The following KCTD9 variants were observed in gnomAD, a reference collection of about 807,000 sequenced individuals.
KCTD9 encodes the protein potassium channel tetramerization domain containing 9, also known as BTB/POZ domain-containing protein KCTD9.
A neutral mutation model predicts 53.3 loss-of-function variants in KCTD9; 17 were observed. That is an observed-to-expected ratio of 0.32 (90% CI 0.22 to 0.48). KCTD9 has a LOEUF of 0.48. KCTD9 is among the 20% of genes least tolerant of loss of function. KCTD9 has a pLI of 0.99. For synonymous variants in KCTD9, 128 were observed against 162.7 expected, an observed-to-expected ratio of 0.79 and a Z score of 1.62; for missense variants, 179 against 465.5, an observed-to-expected ratio of 0.38 and a Z score of 5.66.
intron 1 of KCTD9, among the ~76,000 whole-genome samples, chr8:25,449,210 G>C (rs1802273018): frequency 6.6e-6 from 1 of 152,216 alleles, no homozygotes; most frequent in Admixed American, 6.5e-5. Flanking sequence ...GCTGTGAAAA[G>C]AGGGTAAGAA....
chr8:25,432,416 A>G, intron 11 of KCTD9, 88 bp downstream of exon 11: 2 of 1,176,880 alleles, frequency 1.7e-6, no homozygotes, highest in Non-Finnish European at 2.5e-6. Context: ...TTACCAGCCA[A>G]CTACTTTGTT....
chr8:25,451,671 A>G (rs867181546), intron 1 of KCTD9: 16 of 152,244 alleles, frequency 1.1e-4, no homozygotes, highest in South Asian at 4.1e-4. Context: ...AAAGCTGCCT[A>G]TGAGTTGGAG....
intron 6 of KCTD9, 70 bp downstream of exon 6, chr8:25,439,207 CAA>C (rs1352596597): frequency 1.8e-5 from 22 of 1,227,532 alleles, no homozygotes; most frequent in Non-Finnish European, 2.5e-5. Flanking sequence ...CTGAGTGAAA[CAA>C]AGTTAAAATC....
At chr8:25,445,492 A>G (rs541732118) in intron 2 of KCTD9, among the ~76,000 whole-genome samples, 1 of 152,290 alleles carries the variant, frequency 6.6e-6, no homozygotes, top group South Asian at 2.1e-4. Flanking sequence ...AGGCAAAGCA[A>G]TGATAACATA....
chr8:25,457,455 G>T, intron 1 of KCTD9: 1 of 786,328 alleles, frequency 1.3e-6, no homozygotes, highest in Non-Finnish European at 1.5e-6. Context: ...GCTTGCTCCA[G>T]CGCTGGAAGA....
rs1039705760 is a variant in KCTD9 at position 25,440,208 on chromosome 8, G to A, written c.311+369C>T. ...CAAGTAGCTGGGACTACAGGCGCCC[G>A]CCACTACGCCCGGCTAATTTTTTGT... On this transcript the variant is annotated intron_variant, in intron 4 of 11. Transcript: ENST00000221200. Among the ~76,000 whole-genome samples, 11 of 151,276 alleles carry A rather than the reference G, an allele frequency of 7.3e-5. No individual in the cohort carries two copies. The East Asian group carries it at 7.8e-4, about 11-fold the overall frequency.
At chr8:25,442,202 C>T (rs749284056) in intron 3 of KCTD9, among the ~76,000 whole-genome samples, 2 of 151,942 alleles carry the variant, frequency 1.3e-5, no homozygotes, top group Non-Finnish European at 2.9e-5. Flanking sequence ...TGAAAGGATC[C>T]ATCACATACT....
At chr8:25,446,708 T>C (rs7844851) in intron 1 of KCTD9, among the ~76,000 whole-genome samples, 82,637 of 152,088 alleles carry the variant, frequency 0.54, 24,134 homozygotes, top group Middle Eastern at 0.65. Flanking sequence ...GTCCCTATTA[T>C]GTTGTCCTTT....
intron 3 of KCTD9, among the ~76,000 whole-genome samples, chr8:25,441,993 G>C (rs752535135): frequency 5.3e-5 from 8 of 151,964 alleles, no homozygotes; most frequent in Non-Finnish European, 7.4e-5. Context: ...GATGAAGTGA[G>C]GCCCTGTCTC....
intron 1 of KCTD9, among the ~76,000 whole-genome samples, chr8:25,456,964 C>T (rs1249281430): frequency 6.6e-6 from 1 of 152,100 alleles, no homozygotes; most frequent in Non-Finnish European, 1.5e-5. Context: ...TAGCTAAGTA[C>T]AGAACAGGTT....
rs1802513734 is a variant in KCTD9 at position 25,458,182 on chromosome 8, C to T, written c.48+17G>A. 1 of 1,595,454 alleles carries T rather than the reference C, an allele frequency of 6.3e-7. No homozygotes were observed. Among genetic ancestry groups the T allele is most frequent in the Middle Eastern group, 2.3e-4 (1 of 4,416 alleles). On this transcript the variant is annotated intron_variant, in intron 1 of 11. Coordinates refer to ENST00000221200, the MANE Select transcript of KCTD9 (RefSeq NM_017634.4). ...CCCCGACCCCCGGCCCGCCGCGCCC[C>T]CTCACGCCCCCGTTACCTTTCCGTT...
chr8:25,446,262 C>A lies in KCTD9; in HGVS notation c.49-12G>T, dbSNP rs958121061. 4.3e-6 allele frequency: 7 copies of A among 1,612,972 alleles called. No individual in the cohort carries two copies. The South Asian group carries it at 5.5e-5, about 13-fold the overall frequency. ...TATACAGCAACCACCTGTAAACACA[C>A]CAGAATAATATGAACAATTTCTTTA... On this transcript the variant is annotated splice_polypyrimidine_tract_variant and intron_variant, in intron 1 of 11. Coordinates refer to ENST00000221200, the MANE Select transcript of KCTD9 (RefSeq NM_017634.4).
chr8:25,430,052 G>C, intron 11 of KCTD9, 79 bp from the exon 12 acceptor site: 1 of 811,092 alleles, frequency 1.2e-6, no homozygotes, highest in Non-Finnish European at 2.2e-6. Context: ...ATGATTTCTG[G>C]GGCAGATTAG....
chr8:25,444,259 TG>T, intron 3 of KCTD9, 32 bp downstream of exon 3: 10 of 1,494,538 alleles, frequency 6.7e-6, no homozygotes, highest in African/African-American at 4.3e-5. Flanking sequence ...TTTTTTTTTT[TG>T]GCAGATAAAA....
intron 1 of KCTD9, chr8:25,451,328 A>G (rs559655655): frequency 3.9e-5 from 6 of 152,210 alleles, no homozygotes; most frequent in South Asian, 2.1e-4. Flanking sequence ...TCTTCTTTAT[A>G]TAACTCTTTT....
Position 25,455,219 on chromosome 8 carries a change from C to T in KCTD9, c.48+2980G>A, listed in dbSNP as rs1036280956. ...CAGCCTGGGTGGAAGAGCAAAACTC[C>T]GTCTCAAAAAATAATAATAATAAAT... On this transcript the variant is annotated intron_variant, in intron 1 of 11. Coordinates refer to ENST00000221200, the MANE Select transcript of KCTD9 (RefSeq NM_017634.4). Among the ~76,000 whole-genome samples, 11 of 150,968 alleles carry T rather than the reference C, an allele frequency of 7.3e-5. No homozygotes were observed. In the East Asian group the frequency reaches 1.6e-3, roughly 21 times the overall value.
At chr8:25,440,434 A>C (rs534550286) in intron 4 of KCTD9, 143 bp downstream of exon 4, 1 of 608,348 alleles carries the variant, frequency 1.6e-6, no homozygotes, top group East Asian at 2.7e-5. Context: ...TCTTCAAAAA[A>C]AGTTATAAAA....
chr8:25,435,997 C>A (rs186199501), intron 8 of KCTD9, among the ~76,000 whole-genome samples: 142 of 152,220 alleles, frequency 9.3e-4, no homozygotes, highest in African/African-American at 3.2e-3. Flanking sequence ...GCTGCAATTT[C>A]TATGCATTAT....
intron 3 of KCTD9, among the ~76,000 whole-genome samples, chr8:25,441,746 C>G (rs1802126683): frequency 1.3e-5 from 2 of 152,052 alleles, no homozygotes; most frequent in Non-Finnish European, 2.9e-5. Context: ...GCCTATAATC[C>G]TCTGGGAGGC....
Sources: allele counts gnomAD v4.1 joint callset (sites outside exome capture counted in the v4.1 genomes callset), GRCh38; gene constraint gnomAD v4.1.1; transcripts MANE v1.5; gene names NCBI Gene and HGNC (gene_info 2026-07-23, HGNC 2026-07-21).